Variants in CNTN4 observed in about 807,000 individuals in gnomAD.
CNTN4 encodes contactin-4.
In CNTN4, 77 loss-of-function variants were observed where a neutral mutation model predicts 122.5. The observed-to-expected ratio is 0.63, with a 90% CI of 0.52 to 0.76. The LOEUF is 0.76. Ranked by LOEUF, CNTN4 falls within the 30% of genes least tolerant of loss-of-function variation. The pLI is 0.00. For synonymous variants in CNTN4, 512 were observed against 447.0 expected, an observed-to-expected ratio of 1.15 and a Z score of -1.83; for missense variants, 1,256 against 1,259.1, an observed-to-expected ratio of 1.00 and a Z score of 0.04.
chr3:3,005,782 A>G (rs1382934027), intron 14 of CNTN4, among the ~76,000 whole-genome samples: 1 of 151,356 alleles, frequency 6.6e-6, no homozygotes, highest in African/African-American at 2.4e-5. Context: ...CAAAGACCCC[A>G]CCTCCTGATA....
intron 14 of CNTN4, among the ~76,000 whole-genome samples, chr3:3,000,403 G>A (rs922788136): frequency 2.6e-5 from 4 of 150,990 alleles, no homozygotes; most frequent in Admixed American, 6.6e-5. Flanking sequence ...GGTGGGAGGG[G>A]AGGGGTGGTC....
intron 3 of CNTN4, among the ~76,000 whole-genome samples, chr3:2,447,427 C>T (rs914478336): frequency 6.6e-6 from 1 of 151,908 alleles, no homozygotes; most frequent in Non-Finnish European, 1.5e-5. Context: ...ATAGTAACTC[C>T]TCAAAAAAAG....
At chr3:3,003,906 C>T (rs977666905) in intron 14 of CNTN4, among the ~76,000 whole-genome samples, 7 of 151,846 alleles carry the variant, frequency 4.6e-5, no homozygotes, top group African/African-American at 1.2e-4. Context: ...CACGCCAGCA[C>T]GCCACCAAGC....
chr3:2,992,196 A>T (rs529771933), intron 14 of CNTN4, among the ~76,000 whole-genome samples: 2 of 152,310 alleles, frequency 1.3e-5, no homozygotes, highest in South Asian at 2.1e-4. Context: ...AAATATTCAG[A>T]TTCTGCATGA....
At chr3:2,872,527 A>G (rs980783899) in intron 8 of CNTN4, among the ~76,000 whole-genome samples, 1 of 152,024 alleles carries the variant, frequency 6.6e-6, no homozygotes, top group African/African-American at 2.4e-5. Flanking sequence ...ATGTTGAGCA[A>G]TTTATAGCCT....
intron 3 of CNTN4, among the ~76,000 whole-genome samples, chr3:2,562,344 G>A (rs746283638): frequency 2.6e-5 from 4 of 152,118 alleles, no homozygotes; most frequent in Non-Finnish European, 5.9e-5. Flanking sequence ...AGTGAGCATA[G>A]TACCCAATAA....
chr3:2,108,554 T>C (rs893225220), intron 2 of CNTN4, among the ~76,000 whole-genome samples: 2 of 152,200 alleles, frequency 1.3e-5, no homozygotes, highest in South Asian at 2.1e-4. Flanking sequence ...TGGAATTTCA[T>C]TGAGACAGTG....
intron 6 of CNTN4, among the ~76,000 whole-genome samples, chr3:2,799,743 T>G (rs1243962412): frequency 6.6e-6 from 1 of 152,194 alleles, no homozygotes; most frequent in Non-Finnish European, 1.5e-5. Flanking sequence ...AAAATTTTAA[T>G]TTTAATTTTT....
At chr3:2,932,245 GT>G (rs1352723497) in intron 13 of CNTN4, among the ~76,000 whole-genome samples, 3 of 152,226 alleles carry the variant, frequency 2.0e-5, no homozygotes, top group Admixed American at 1.3e-4. Flanking sequence ...GGGCGTGGTG[GT>G]GGGCGCCTGT....
intron 2 of CNTN4, among the ~76,000 whole-genome samples, chr3:2,184,026 C>T (rs2037139126): frequency 6.6e-6 from 1 of 151,978 alleles, no homozygotes; most frequent in African/African-American, 2.4e-5. Context: ...GGCTAGAGTG[C>T]AGCGGCGTGA....
chr3:2,976,807 TA>T (rs1577471257), intron 13 of CNTN4, among the ~76,000 whole-genome samples: 1 of 152,130 alleles, frequency 6.6e-6, no homozygotes, highest in Non-Finnish European at 1.5e-5. Context: ...AGCTAAAAGT[TA>T]AAATACCTTT....
At chr3:3,002,363 G>T (rs546293108) in intron 14 of CNTN4, among the ~76,000 whole-genome samples, 3 of 152,052 alleles carry the variant, frequency 2.0e-5, no homozygotes, top group Non-Finnish European at 4.4e-5. Flanking sequence ...CTTCCTCTTG[G>T]CTAATTTACC....
At chr3:2,432,029 A>G (rs2048092328) in intron 3 of CNTN4, among the ~76,000 whole-genome samples, 1 of 152,208 alleles carries the variant, frequency 6.6e-6, no homozygotes, top group African/African-American at 2.4e-5. Flanking sequence ...CAAACCATCC[A>G]AAAAGATGGG....
At chr3:2,518,757 T>C (rs2077113293) in intron 3 of CNTN4, among the ~76,000 whole-genome samples, 1 of 152,154 alleles carries the variant, frequency 6.6e-6, no homozygotes, top group Non-Finnish European at 1.5e-5. Flanking sequence ...TTCTTGAATG[T>C]AGCAGAACTT....
At chr3:2,593,386 A>T (rs2080597597) in intron 4 of CNTN4, among the ~76,000 whole-genome samples, 2 of 152,224 alleles carry the variant, frequency 1.3e-5, no homozygotes, top group African/African-American at 4.8e-5. Flanking sequence ...ATAGGTAGAT[A>T]CATTGAGATT....
intron 3 of CNTN4, among the ~76,000 whole-genome samples, chr3:2,505,971 AATAT>A (rs1044488718): frequency 1.3e-5 from 2 of 152,150 alleles, no homozygotes; most frequent in African/African-American, 4.8e-5. Flanking sequence ...CACTCCATAA[AATAT>A]ATATAAGGAC....
At chr3:2,666,067 A>T (rs1484266963) in intron 4 of CNTN4, among the ~76,000 whole-genome samples, 4 of 152,226 alleles carry the variant, frequency 2.6e-5, no homozygotes, top group Non-Finnish European at 5.9e-5. Context: ...TAAGTTGTCT[A>T]CGCAGCATGC....
At position 2,567,276 on chromosome 3, in the gene CNTN4, T is replaced by C. The variant is rs371552980; in HGVS notation, c.-88-4140T>C. Reference sequence around the variant, plus strand: ...TAATTTTTTCTATTTTTAGTAGAGATGGGGTTTTGCCGTGTTAGCCAGGAT... The same window carrying C: ...TAATTTTTTCTATTTTTAGTAGAGACGGGGTTTTGCCGTGTTAGCCAGGAT... On this transcript the variant is annotated intron_variant, in intron 3 of 24. Transcript: ENST00000418658. 2.4e-3 allele frequency among the ~76,000 whole-genome samples: 368 copies of C among 152,120 alleles called. 1 individual carries two copies. The highest frequency in any genetic ancestry group is 8.3e-3 in the African/African-American group (344 of 41,500).
At chr3:2,519,516 C>A (rs1427637547) in intron 3 of CNTN4, among the ~76,000 whole-genome samples, 1 of 152,160 alleles carries the variant, frequency 6.6e-6, no homozygotes, top group Non-Finnish European at 1.5e-5. Flanking sequence ...GTCATTCTTG[C>A]ATTTCTTTTC....
Sources: gnomAD v4.1 joint callset for allele counts (sites outside exome capture counted in the v4.1 genomes callset) on GRCh38, gnomAD v4.1.1 for gene constraint, MANE v1.5 for transcripts, NCBI Gene and HGNC (gene_info 2026-07-23, HGNC 2026-07-21) for gene names.